Variants in PDZRN4 observed in about 807,000 individuals in gnomAD.
The protein encoded by PDZRN4 is PDZ domain containing ring finger 4.
A neutral mutation model predicts 99.0 loss-of-function variants in PDZRN4; 70 were observed. That is an observed-to-expected ratio of 0.71 (90% CI 0.58 to 0.86). PDZRN4 has a LOEUF of 0.86. Ranked by LOEUF, PDZRN4 falls within the 40% of genes least tolerant of loss-of-function variation. PDZRN4 has a pLI of 0.00. For missense variants in PDZRN4, 1,474 were observed against 1,331.2 expected (o/e 1.11, Z -1.67); for synonymous variants, 551 against 501.6 (o/e 1.10, Z -1.32).
chr12:41,503,576 T>G (rs536525339), intron 3 of PDZRN4, among the ~76,000 whole-genome samples: 28 of 152,202 alleles, frequency 1.8e-4, no homozygotes, highest in Admixed American at 3.3e-4. Flanking sequence ...CAATCCTACT[T>G]AGCTTATAGT....
At chr12:41,526,946 A>G (rs1938578110) in intron 5 of PDZRN4, among the ~76,000 whole-genome samples, 1 of 152,220 alleles carries the variant, frequency 6.6e-6, no homozygotes. Flanking sequence ...TCAGCAATAA[A>G]TATTTTTGAG....
intron 2 of PDZRN4, 25 bp from the exon 3 acceptor site, chr12:41,194,056 T>C (rs1177183494): frequency 1.9e-6 from 2 of 1,062,808 alleles, no homozygotes; most frequent in South Asian, 2.6e-5. Context: ...ACATCTTTCT[T>C]CTGCTAATGA....
intron 3 of PDZRN4, among the ~76,000 whole-genome samples, chr12:41,479,976 G>T: frequency 6.6e-6 from 1 of 152,156 alleles, no homozygotes; most frequent in East Asian, 1.9e-4. Flanking sequence ...TAATTTTCAT[G>T]AAACAAGATG....
intron 5 of PDZRN4, among the ~76,000 whole-genome samples, chr12:41,522,135 C>T (rs1469667996): frequency 6.6e-6 from 1 of 152,074 alleles, no homozygotes; most frequent in African/African-American, 2.4e-5. Context: ...TGTAAATATG[C>T]TTTAAGAGCA....
At chr12:41,447,867 A>G (rs545277556) in intron 3 of PDZRN4, among the ~76,000 whole-genome samples, 36 of 152,092 alleles carry the variant, frequency 2.4e-4, no homozygotes, top group African/African-American at 8.7e-4. Flanking sequence ...GACATATAGT[A>G]GGCACTCAAT....
intron 3 of PDZRN4, among the ~76,000 whole-genome samples, chr12:41,255,426 T>TTTTTGTTTTG (rs1261125399): frequency 3.0e-4 from 46 of 152,228 alleles, no homozygotes; most frequent in African/African-American, 1.1e-3. Context: ...TTTTTTGTTT[T>TTTTTGTTTTG]TTTTGTTTTG....
chr12:41,499,610 A>G (rs1282368087), intron 3 of PDZRN4, among the ~76,000 whole-genome samples: 1 of 152,082 alleles, frequency 6.6e-6, no homozygotes, highest in African/African-American at 2.4e-5. Flanking sequence ...CAAGGAAAAG[A>G]TAATGAAAGG....
intron 5 of PDZRN4, among the ~76,000 whole-genome samples, chr12:41,543,416 T>A: frequency 6.6e-6 from 1 of 150,650 alleles, no homozygotes; most frequent in East Asian, 1.9e-4. Flanking sequence ...AATAAATTAC[T>A]TAATGCTGGC....
chr12:41,377,721 A>G (rs144927533), intron 3 of PDZRN4, among the ~76,000 whole-genome samples: 2 of 152,120 alleles, frequency 1.3e-5, no homozygotes, highest in African/African-American at 4.8e-5. Context: ...GATTACATTT[A>G]TTCCTAAGTA....
chr12:41,455,358 G>C (rs1453316586), intron 3 of PDZRN4, among the ~76,000 whole-genome samples: 1 of 152,098 alleles, frequency 6.6e-6, no homozygotes, highest in Non-Finnish European at 1.5e-5. Flanking sequence ...TCATGAAAAA[G>C]ATAGTCTTAT....
At chr12:41,493,803 A>C (rs1254775442) in intron 3 of PDZRN4, among the ~76,000 whole-genome samples, 1 of 151,764 alleles carries the variant, frequency 6.6e-6, no homozygotes, top group Non-Finnish European at 1.5e-5. Flanking sequence ...TAAGGCAGCA[A>C]CAGCTTTACC....
At position 41,189,032 on chromosome 12, in the gene PDZRN4, CAGG is replaced by C. The variant is rs772636865; in HGVS notation, c.580_582del (p.Glu194del). On this transcript the variant is annotated inframe_deletion, in exon 1 of 10. Transcript: ENST00000402685. ...GGTGCAGCTCACGGCGCGCAGGTAC[CAGG>C]AGAAGTTCACCCAATACATGGCTCA... 69 of 1,570,422 alleles carry C rather than the reference CAGG, an allele frequency of 4.4e-5. No individual in the cohort carries two copies. In the African/African-American group the frequency reaches 6.3e-4, roughly 14 times the overall value.
intron 3 of PDZRN4, among the ~76,000 whole-genome samples, chr12:41,461,577 C>G (rs905306107): frequency 6.6e-6 from 1 of 152,148 alleles, no homozygotes; most frequent in Non-Finnish European, 1.5e-5. Context: ...ATAGCTTACT[C>G]CTCCAGTGTG....
At chr12:41,546,357 GATT>G (rs1172870357) in intron 5 of PDZRN4, among the ~76,000 whole-genome samples, 1 of 152,142 alleles carries the variant, frequency 6.6e-6, no homozygotes, top group Non-Finnish European at 1.5e-5. Flanking sequence ...GGCAGGATTA[GATT>G]ATTGTTTAAC....
intron 3 of PDZRN4, among the ~76,000 whole-genome samples, chr12:41,247,835 A>G (rs1951142795): frequency 6.6e-6 from 1 of 152,214 alleles, no homozygotes; most frequent in African/African-American, 2.4e-5. Flanking sequence ...AATTGATTTT[A>G]AAAGATCTAT....
At chr12:41,235,404 G>A (rs910247358) in intron 3 of PDZRN4, among the ~76,000 whole-genome samples, 5 of 152,000 alleles carry the variant, frequency 3.3e-5, no homozygotes, top group African/African-American at 1.2e-4. Context: ...GTTTTTCTTA[G>A]AAAATATTAA....
chr12:41,219,599 G>A (rs1039792137), intron 3 of PDZRN4, among the ~76,000 whole-genome samples: 1 of 151,968 alleles, frequency 6.6e-6, no homozygotes, highest in Non-Finnish European at 1.5e-5. Flanking sequence ...AATATGTGAG[G>A]TGAGGTATTA....
At chr12:41,510,008 G>T in intron 5 of PDZRN4, 95 bp downstream of exon 5, 1 of 626,430 alleles carries the variant, frequency 1.6e-6, no homozygotes, top group Admixed American at 2.8e-5. Flanking sequence ...AGTGAGAAAT[G>T]TCTTGTCTAT....
intron 3 of PDZRN4, among the ~76,000 whole-genome samples, chr12:41,320,637 A>G (rs577143616): frequency 6.6e-6 from 1 of 152,326 alleles, no homozygotes; most frequent in Non-Finnish European, 1.5e-5. Flanking sequence ...CTGTCCTGCA[A>G]TCAGAGACAA....
Sources: allele counts gnomAD v4.1 joint callset (sites outside exome capture counted in the v4.1 genomes callset), GRCh38; gene constraint gnomAD v4.1.1; transcripts MANE v1.5; gene names NCBI Gene and HGNC (gene_info 2026-07-23, HGNC 2026-07-21).